The following SLC36A1 variants were observed in gnomAD, a reference collection of about 807,000 sequenced individuals.
SLC36A1 encodes solute carrier family 36 member 1, also known as proton-coupled amino acid transporter 1.
Under a neutral mutation model 47.5 loss-of-function variants are expected in SLC36A1, and 30 were observed. The observed-to-expected ratio is 0.63, with a 90% CI of 0.47 to 0.86. The LOEUF is 0.86. Among genes scored for constraint, SLC36A1 ranks in the 40% least tolerant of loss-of-function variants. The pLI is 0.00. For synonymous variants in SLC36A1, 255 were observed against 249.7 expected (o/e 1.02, Z -0.20); for missense variants, 517 against 606.0 (o/e 0.85, Z 1.54).
At chr5:151,387,218 A>G in the SLC36A1 span, 2 of 152,518 alleles carry the variant, frequency 1.3e-5, no homozygotes, top group Admixed American at 1.3e-4. Flanking sequence ...GAGGAGCTCA[A>G]CAGACTGGTA....
the SLC36A1 span, among the ~76,000 whole-genome samples, chr5:151,368,257 C>T: frequency 5.9e-5 from 9 of 152,214 alleles, no homozygotes; most frequent in Admixed American, 5.9e-4. Flanking sequence ...CAATCATAAA[C>T]TGTGCTAAAA....
chr5:151,409,394 T>G, the SLC36A1 span, among the ~76,000 whole-genome samples: 1 of 152,190 alleles, frequency 6.6e-6, no homozygotes, highest in African/African-American at 2.4e-5. Context: ...AGCCTCCTTT[T>G]ACTTACATTG....
the SLC36A1 span, among the ~76,000 whole-genome samples, chr5:151,503,511 C>T: frequency 4.7e-5 from 7 of 150,420 alleles, no homozygotes; most frequent in South Asian, 6.2e-4. Flanking sequence ...GTGTCTCCCA[C>T]GGGTGTGCCT....
intron 1 of SLC36A1, among the ~76,000 whole-genome samples, chr5:151,455,735 A>G (rs933089248): frequency 1.2e-4 from 19 of 152,310 alleles, no homozygotes; most frequent in Admixed American, 2.0e-4. Flanking sequence ...GCTGCCCGGG[A>G]CACACTTCCA....
intron 7 of SLC36A1, among the ~76,000 whole-genome samples, chr5:151,471,480 A>T (rs1335728184): frequency 6.6e-6 from 1 of 152,188 alleles, no homozygotes; most frequent in Non-Finnish European, 1.5e-5. Context: ...ATCTGATCTG[A>T]TGTATGAATA....
At chr5:151,423,461 A>G in the SLC36A1 span, among the ~76,000 whole-genome samples, 1 of 152,260 alleles carries the variant, frequency 6.6e-6, no homozygotes, top group Non-Finnish European at 1.5e-5. Context: ...AGCACTAAGA[A>G]GAAATGAGCT....
chr5:151,476,597 C>T lies in SLC36A1; in HGVS notation c.830C>T (p.Pro277Leu). 1 of 1,586,030 alleles carries T rather than the reference C, an allele frequency of 6.3e-7. No individual in the cohort carries two copies. The highest frequency in any genetic ancestry group is 8.6e-7 in the Non-Finnish European group (1 of 1,166,770). The stretch of plus-strand genomic sequence containing the variant: ...CTCACTACTCTCTCATAGGTTCTGC[C>T]CCTGGAAAACAAAATGAAGGATCCT... ...FSFEGIGMVLPLENKMKDPRK... is the reference protein window; with the variant it reads ...FSFEGIGMVLLLENKMKDPRK... The change falls in exon 9 of 11, where the codon CCC (proline) becomes CTC (leucine). Residue 277 changes from proline (P) to leucine (L), a missense_variant. Transcript: ENST00000243389.
the SLC36A1 span, among the ~76,000 whole-genome samples, chr5:151,366,876 C>T: frequency 1.4e-4 from 22 of 152,282 alleles, no homozygotes; most frequent in South Asian, 4.1e-4. Flanking sequence ...CATCACATAT[C>T]GGTAAGACCG....
the SLC36A1 span, chr5:151,509,773 C>T: frequency 3.8e-5 from 17 of 446,610 alleles, 1 homozygote; most frequent in South Asian, 7.0e-4. Context: ...CAATAAATGT[C>T]ATGTGCTTGA....
intron 1 of SLC36A1, among the ~76,000 whole-genome samples, chr5:151,452,869 C>CAA (rs543863050): frequency 2.7e-3 from 289 of 107,146 alleles, no homozygotes; most frequent in African/African-American, 9.3e-3. Context: ...GACACCATCT[C>CAA]AAAAAAAAAA....
At chr5:151,507,872 G>T in the SLC36A1 span, among the ~76,000 whole-genome samples, 1 of 152,218 alleles carries the variant, frequency 6.6e-6, no homozygotes, top group East Asian at 1.9e-4. Flanking sequence ...TGAGATCTAG[G>T]CACTGTATAC....
the SLC36A1 span, among the ~76,000 whole-genome samples, chr5:151,394,659 C>T: frequency 6.6e-6 from 1 of 152,238 alleles, no homozygotes; most frequent in Admixed American, 6.5e-5. Context: ...GAGTTTACTG[C>T]AGGTCCACTC....
intron 10 of SLC36A1, among the ~76,000 whole-genome samples, chr5:151,482,664 C>T (rs1283432285): frequency 6.6e-6 from 1 of 152,106 alleles, no homozygotes; most frequent in Non-Finnish European, 1.5e-5. Flanking sequence ...ATTTTCATGA[C>T]CTCGTGGTAT....
chr5:151,537,732 C>G, the SLC36A1 span: 9 of 1,519,862 alleles, frequency 5.9e-6, no homozygotes, highest in East Asian at 1.8e-4. Flanking sequence ...TACCATGGCA[C>G]TGGGCACTTG....
intron 10 of SLC36A1, chr5:151,480,069 A>G (rs1374259026): frequency 6.6e-7 from 1 of 1,508,010 alleles, no homozygotes; most frequent in Admixed American, 2.2e-5. Flanking sequence ...GTGTAAGTTA[A>G]AAGACAGGAT....
the SLC36A1 span, among the ~76,000 whole-genome samples, chr5:151,532,783 G>C: frequency 6.6e-6 from 1 of 152,212 alleles, no homozygotes; most frequent in Non-Finnish European, 1.5e-5. Flanking sequence ...AGGCTCGGCT[G>C]TGAGGTCCTC....
intron 2 of SLC36A1, 27 bp downstream of exon 2, chr5:151,458,962 C>T (rs989355543): frequency 6.3e-7 from 1 of 1,586,662 alleles, no homozygotes; most frequent in African/African-American, 1.3e-5. Flanking sequence ...TTCTCCTCTC[C>T]TGGGTGGGAT....
the SLC36A1 span, among the ~76,000 whole-genome samples, chr5:151,393,507 T>G: frequency 6.6e-6 from 1 of 152,228 alleles, no homozygotes; most frequent in Non-Finnish European, 1.5e-5. Flanking sequence ...TCAATGGTCT[T>G]TACAATTTGT....
At chr5:151,408,225 GT>G in the SLC36A1 span, among the ~76,000 whole-genome samples, 2 of 152,158 alleles carry the variant, frequency 1.3e-5, no homozygotes, top group Admixed American at 1.3e-4. Context: ...GTCTCACTCT[GT>G]CACCCAGGCT....
Sources: gnomAD v4.1 joint callset for allele counts (sites outside exome capture counted in the v4.1 genomes callset) on GRCh38, gnomAD v4.1.1 for gene constraint, MANE v1.5 for transcripts, NCBI Gene and HGNC (gene_info 2026-07-23, HGNC 2026-07-21) for gene names.